Variants in NRG3 observed in about 807,000 individuals in gnomAD.
NRG3 encodes neuregulin 3, also known as pro-neuregulin-3, membrane-bound isoform.
In NRG3, 31 loss-of-function variants were observed where a neutral mutation model predicts 66.9. The ratio of observed to expected loss-of-function variants is 0.46; its 90% CI spans 0.35 to 0.63. The LOEUF is 0.63. Ranked by LOEUF, NRG3 falls within the 20% of genes least tolerant of loss-of-function variation. The probability of loss-of-function intolerance (pLI) is 0.00; values close to 1 mark genes in which losing one functional copy is unlikely to be tolerated. For missense variants in NRG3, 910 were observed against 878.9 expected (o/e 1.04, Z -0.45); for synonymous variants, 393 against 359.4 (o/e 1.09, Z -1.06).
chr10:82,588,503 C>T (rs1299306639), intron 2 of NRG3, among the ~76,000 whole-genome samples: 7 of 149,120 alleles, frequency 4.7e-5, no homozygotes, highest in Non-Finnish European at 9.0e-5. Flanking sequence ...CCAATTGAAC[C>T]TTTTTTTTTT....
chr10:82,483,372 G>A (rs193112385), intron 2 of NRG3, among the ~76,000 whole-genome samples: 1 of 152,340 alleles, frequency 6.6e-6, no homozygotes, highest in African/African-American at 2.4e-5. Context: ...CTGACTTTGA[G>A]CTCTCAAAGC....
At chr10:82,738,516 T>A (rs1313254262) in intron 2 of NRG3, 61 bp from the exon 3 acceptor site, 5 of 1,325,186 alleles carry the variant, frequency 3.8e-6, no homozygotes. Flanking sequence ...ATTTTACTTG[T>A]TGAAATCTTA....
intron 2 of NRG3, among the ~76,000 whole-genome samples, chr10:82,579,080 A>G (rs182802612): frequency 1.3e-5 from 2 of 151,938 alleles, no homozygotes; most frequent in Non-Finnish European, 2.9e-5. Context: ...CATTCAGTCT[A>G]CTTTATGAGG....
At chr10:82,457,898 A>C (rs1204201890) in intron 2 of NRG3, among the ~76,000 whole-genome samples, 3 of 152,196 alleles carry the variant, frequency 2.0e-5, no homozygotes, top group Non-Finnish European at 4.4e-5. Flanking sequence ...AGAAAATCTT[A>C]AGGAGGGTCT....
At chr10:82,852,378 T>G (rs1417505040) in intron 3 of NRG3, among the ~76,000 whole-genome samples, 1 of 152,042 alleles carries the variant, frequency 6.6e-6, no homozygotes, top group Non-Finnish European at 1.5e-5. Flanking sequence ...GGTTGACAGG[T>G]GCAGCAAACC....
chr10:82,203,107 G>C (rs1564659627), intron 1 of NRG3, among the ~76,000 whole-genome samples: 1 of 152,174 alleles, frequency 6.6e-6, no homozygotes, highest in East Asian at 1.9e-4. Context: ...GCTTTAGAAA[G>C]ACCATCTGTG....
intron 1 of NRG3, among the ~76,000 whole-genome samples, chr10:81,921,132 CA>C (rs1290087146): frequency 2.0e-5 from 3 of 151,790 alleles, no homozygotes; most frequent in African/African-American, 7.3e-5. Flanking sequence ...GATTCTTAGC[CA>C]ATACTGAGGC....
chr10:82,752,308 C>G (rs965347339), intron 3 of NRG3, among the ~76,000 whole-genome samples: 2 of 152,022 alleles, frequency 1.3e-5, no homozygotes, highest in Admixed American at 6.6e-5. Flanking sequence ...TACCCTTATC[C>G]CCCATTTACC....
chr10:82,021,322 C>G (rs1391820478), intron 1 of NRG3, among the ~76,000 whole-genome samples: 1 of 152,068 alleles, frequency 6.6e-6, no homozygotes, highest in African/African-American at 2.4e-5. Flanking sequence ...TCACATACTC[C>G]TACACTGCTG....
intron 2 of NRG3, among the ~76,000 whole-genome samples, chr10:82,595,073 A>T (rs952823825): frequency 2.0e-5 from 3 of 151,892 alleles, no homozygotes; most frequent in Non-Finnish European, 4.4e-5. Context: ...CTCCCATTTC[A>T]GCCTCCCAAA....
At chr10:82,425,448 C>G (rs2089364542) in intron 2 of NRG3, among the ~76,000 whole-genome samples, 1 of 151,698 alleles carries the variant, frequency 6.6e-6, no homozygotes. Context: ...CATTACCCAT[C>G]TGCTTTTGTA....
chr10:81,922,469 C>A (rs892905193), intron 1 of NRG3, among the ~76,000 whole-genome samples: 1 of 152,116 alleles, frequency 6.6e-6, no homozygotes, highest in African/African-American at 2.4e-5. Flanking sequence ...TGCATATGTA[C>A]ATATTATTTA....
In NRG3 at chr10:82,471,664, A is replaced by G. The variant is rs1376698352; in HGVS notation, c.953+112796A>G. ...GGTGGCTCATGCCTGTAATCCCAGC[A>G]CTTTGGGAGCCCGAGGCAGGCAGAT... is the stretch of plus-strand genomic sequence containing the variant. On this transcript the variant is annotated intron_variant, in intron 2 of 8. Transcript: ENST00000372141. 4.6e-5 allele frequency among the ~76,000 whole-genome samples: 7 copies of G among 152,288 alleles called. No homozygotes were observed. In the East Asian group the frequency reaches 1.4e-3, roughly 29 times the overall value.
At chr10:81,931,689 A>C (rs1250497691) in intron 1 of NRG3, among the ~76,000 whole-genome samples, 1 of 152,164 alleles carries the variant, frequency 6.6e-6, no homozygotes, top group African/African-American at 2.4e-5. Context: ...AAGCCCAACT[A>C]AACAAAACAC....
chr10:82,063,936 G>A (rs2064303113), intron 1 of NRG3, among the ~76,000 whole-genome samples: 1 of 152,170 alleles, frequency 6.6e-6, no homozygotes, highest in Non-Finnish European at 1.5e-5. Context: ...TTTAGTTGTA[G>A]AGAGGGTTTA....
chr10:82,413,309 G>C (rs116300075), intron 2 of NRG3, among the ~76,000 whole-genome samples: 1 of 152,078 alleles, frequency 6.6e-6, no homozygotes, highest in Non-Finnish European at 1.5e-5. Context: ...TGGAGCTCTG[G>C]GGTGACCAGG....
chr10:82,170,000 T>C (rs1190461721), intron 1 of NRG3, among the ~76,000 whole-genome samples: 1 of 151,870 alleles, frequency 6.6e-6, no homozygotes, highest in South Asian at 2.1e-4. Flanking sequence ...TGTGTGTTTT[T>C]TTTTTTTTGA....
intron 3 of NRG3, among the ~76,000 whole-genome samples, chr10:82,778,164 T>A (rs1050100486): frequency 6.6e-6 from 1 of 152,096 alleles, no homozygotes; most frequent in Non-Finnish European, 1.5e-5. Context: ...CAACAGTGTC[T>A]CTGCTGGGTG....
chr10:82,846,899 T>G lies in NRG3; in HGVS notation c.1028-18512T>G, dbSNP rs185604915. Among the ~76,000 whole-genome samples, 626 of 152,294 alleles carry G rather than the reference T, an allele frequency of 4.1e-3. 1 individual carries two copies. The highest frequency in any genetic ancestry group is 6.8e-3 in the Middle Eastern group (2 of 294). On this transcript the variant is annotated intron_variant, in intron 3 of 8. Coordinates refer to ENST00000372141, the MANE Select transcript of NRG3 (RefSeq NM_001010848.4). ...AGATTGTGCTTGTGCTTTTATCAAT[T>G]AAGATAATGTTCAGCTGCAAGAGCC...
Sources: allele counts gnomAD v4.1 joint callset (sites outside exome capture counted in the v4.1 genomes callset), GRCh38; gene constraint gnomAD v4.1.1; transcripts MANE v1.5; gene names NCBI Gene and HGNC (gene_info 2026-07-23, HGNC 2026-07-21).